Variants in DNAH6 observed in about 807,000 individuals in gnomAD.
DNAH6 encodes dynein axonemal heavy chain 6.
Under a neutral mutation model 491.4 loss-of-function variants are expected in DNAH6, and 340 were observed. That is an observed-to-expected ratio of 0.69 (90% CI 0.63 to 0.76). The LOEUF is 0.76. Ranked by LOEUF, DNAH6 falls within the 30% of genes least tolerant of loss-of-function variation. The probability of loss-of-function intolerance (pLI) is 0.00; values close to 1 mark genes in which losing one functional copy is unlikely to be tolerated. For missense variants in DNAH6, 4,443 were observed against 4,972.2 expected (o/e 0.89, Z 3.20); for synonymous variants, 1,603 against 1,686.1 (o/e 0.95, Z 1.21).
At chr2:84,478,610 A>G in the DNAH6 span, among the ~76,000 whole-genome samples, 1 of 152,116 alleles carries the variant, frequency 6.6e-6, no homozygotes, top group East Asian at 1.9e-4. Flanking sequence ...CCTATTGCAG[A>G]TTTGGCCCCC....
chr2:84,591,950 G>A (rs188775680), intron 16 of DNAH6, among the ~76,000 whole-genome samples: 12 of 152,234 alleles, frequency 7.9e-5, no homozygotes, highest in Non-Finnish European at 1.8e-4. Flanking sequence ...CAAAATGAAT[G>A]GGTTAAAGAC....
At chr2:84,630,523 G>T (rs936014731) in intron 29 of DNAH6, among the ~76,000 whole-genome samples, 1 of 141,684 alleles carries the variant, frequency 7.1e-6, no homozygotes, top group Middle Eastern at 3.7e-3. Flanking sequence ...TATGGAATCA[G>T]GGGAATTCTA....
At chr2:84,627,906 A>T (rs1688028908) in intron 29 of DNAH6, among the ~76,000 whole-genome samples, 2 of 152,194 alleles carry the variant, frequency 1.3e-5, no homozygotes, top group Admixed American at 1.3e-4. Context: ...AAAATAAATA[A>T]ACTTATTGAA....
intron 46 of DNAH6, among the ~76,000 whole-genome samples, chr2:84,696,046 A>G (rs1305671637): frequency 6.6e-6 from 1 of 152,022 alleles, no homozygotes; most frequent in Admixed American, 6.5e-5. Context: ...GAAGAAATTG[A>G]GAGAAACAAG....
intron 16 of DNAH6, among the ~76,000 whole-genome samples, chr2:84,593,689 T>C (rs1573141822): frequency 6.6e-6 from 1 of 152,336 alleles, no homozygotes; most frequent in Admixed American, 6.5e-5. Context: ...CAAAAAAGTG[T>C]TACTCTTATA....
Position 84,550,918 on chromosome 2 carries a change from CAG to C in DNAH6, c.1485+864_1485+865del, listed in dbSNP as rs548505004. Among the ~76,000 whole-genome samples the C allele has an allele frequency of 2.2e-3, 333 of 152,270 alleles. 1 individual carries two copies. Among genetic ancestry groups the C allele is most frequent in the Non-Finnish European group, 2.4e-3 (164 of 68,028 alleles). ...TATGAGGATGTTGATCTTAAAGACA[CAG>C]AGTACTATGAGATGTTTGGATGAAG... On this transcript the variant is annotated intron_variant, in intron 9 of 76. Coordinates refer to ENST00000389394, the MANE Select transcript of DNAH6 (RefSeq NM_001370.2).
intron 67 of DNAH6, 70 bp downstream of exon 67, chr2:84,785,826 A>C (rs1677122636): frequency 7.3e-7 from 1 of 1,361,590 alleles, no homozygotes; most frequent in Non-Finnish European, 9.7e-7. Flanking sequence ...GTAATAATTA[A>C]GTGAAAGCTT....
chr2:84,734,551 C>T (rs1272837489), intron 62 of DNAH6, among the ~76,000 whole-genome samples: 1 of 152,138 alleles, frequency 6.6e-6, no homozygotes, highest in Non-Finnish European at 1.5e-5. Context: ...ACTTCTTTTG[C>T]AGCCTGGTGC....
rs185690903 is a variant in DNAH6 at position 84,714,536 on chromosome 2, A to G, written c.9544-1024A>G. Among the ~76,000 whole-genome samples the G allele has an allele frequency of 1.1e-3, 165 of 152,264 alleles. 1 individual carries two copies. In the Middle Eastern group the frequency reaches 0.031, roughly 28 times the overall value. ...AGATAGACTAAATAAGATTTAGTAT[A>G]TAATAGTGCAACAGGGCGACTACAG... On this transcript the variant is annotated intron_variant, in intron 57 of 76. Coordinates refer to ENST00000389394, the MANE Select transcript of DNAH6 (RefSeq NM_001370.2).
At chr2:84,792,481 G>A (rs113731992) in intron 68 of DNAH6, among the ~76,000 whole-genome samples, 6 of 152,224 alleles carry the variant, frequency 3.9e-5, no homozygotes, top group South Asian at 2.1e-4. Context: ...AAGTATATAC[G>A]TATGTCAAAA....
At chr2:84,762,698 G>C in intron 63 of DNAH6, 57 bp from the exon 64 acceptor site, 1 of 1,313,100 alleles carries the variant, frequency 7.6e-7, no homozygotes, top group South Asian at 1.3e-5. Flanking sequence ...AGAAAATTAG[G>C]ATAAAATTAT....
intron 76 of DNAH6, among the ~76,000 whole-genome samples, chr2:84,816,783 T>C (rs534651568): frequency 6.6e-6 from 1 of 152,154 alleles, no homozygotes; most frequent in Admixed American, 6.5e-5. Context: ...TCTGAGTGCA[T>C]CTGAAACTGA....
At chr2:84,654,868 C>A in intron 35 of DNAH6, 86 bp downstream of exon 35, 1 of 1,424,970 alleles carries the variant, frequency 7.0e-7, no homozygotes, top group African/African-American at 1.4e-5. Context: ...AGGTTAAGGA[C>A]TCATGGTTCT....
At chr2:84,651,131 T>C (rs1690414689) in intron 33 of DNAH6, among the ~76,000 whole-genome samples, 1 of 152,092 alleles carries the variant, frequency 6.6e-6, no homozygotes, top group Non-Finnish European at 1.5e-5. Flanking sequence ...CCTCCACTGA[T>C]GCCACAAGGG....
intron 3 of DNAH6, among the ~76,000 whole-genome samples, chr2:84,528,644 G>A (rs1198028091): frequency 6.6e-6 from 1 of 151,830 alleles, no homozygotes; most frequent in Non-Finnish European, 1.5e-5. Flanking sequence ...TAAACATTGA[G>A]TTAAAGGAGA....
At chr2:84,580,316 G>GCACACA (rs36209367) in intron 14 of DNAH6, among the ~76,000 whole-genome samples, 169 of 149,286 alleles carry the variant, frequency 1.1e-3, no homozygotes, top group African/African-American at 4.0e-3. Context: ...ACATACACAC[G>GCACACA]CACACACACA....
chr2:84,802,952 G>T (rs1270199018), intron 70 of DNAH6, among the ~76,000 whole-genome samples: 1 of 152,110 alleles, frequency 6.6e-6, no homozygotes, highest in Non-Finnish European at 1.5e-5. Flanking sequence ...ACTTGCTCCT[G>T]AATGACTTTT....
At chr2:84,658,015 G>C (rs1314283797) in intron 35 of DNAH6, among the ~76,000 whole-genome samples, 2 of 151,940 alleles carry the variant, frequency 1.3e-5, no homozygotes, top group East Asian at 3.9e-4. Flanking sequence ...AATATGTATT[G>C]ACAGCTTAAG....
At chr2:84,780,713 G>A (rs372514415) in intron 64 of DNAH6, among the ~76,000 whole-genome samples, 2 of 151,670 alleles carry the variant, frequency 1.3e-5, no homozygotes, top group Non-Finnish European at 2.9e-5. Context: ...GAATTCTTTT[G>A]CTGATTCCTA....
Sources: allele counts gnomAD v4.1 joint callset (sites outside exome capture counted in the v4.1 genomes callset), GRCh38; gene constraint gnomAD v4.1.1; transcripts MANE v1.5; gene names NCBI Gene and HGNC (gene_info 2026-07-23, HGNC 2026-07-21).